USP34: variants seen among roughly 807,000 people sequenced by gnomAD.
The protein encoded by USP34 is ubiquitin specific peptidase 34.
USP34 carries 70 observed loss-of-function variants against 460.3 expected under a neutral mutation model. The ratio of observed to expected loss-of-function variants is 0.15; its 90% CI spans 0.13 to 0.19. USP34 has a LOEUF of 0.19. Among genes scored for constraint, USP34 ranks in the 10% least tolerant of loss-of-function variants. The probability of loss-of-function intolerance (pLI) is 1.00; values close to 1 mark genes in which losing one functional copy is unlikely to be tolerated. For missense variants in USP34, 3,985 were observed against 4,236.2 expected (o/e 0.94, Z 1.65); for synonymous variants, 1,647 against 1,405.3 (o/e 1.17, Z -3.85).
At chr2:61,419,291 G>T (rs1421388158) in intron 2 of USP34, among the ~76,000 whole-genome samples, 1 of 151,662 alleles carries the variant, frequency 6.6e-6, no homozygotes, top group Non-Finnish European at 1.5e-5. Flanking sequence ...AAAGTGAGAG[G>T]CATGAGCCAC....
Position 61,279,552 on chromosome 2 carries a change from C to T in USP34, c.5256+692G>A, listed in dbSNP as rs151281821. Among the ~76,000 whole-genome samples, 811 of 152,282 alleles carry T rather than the reference C, an allele frequency of 5.3e-3. 2 individuals are homozygous for T. Among genetic ancestry groups the T allele is most frequent in the Non-Finnish European group, 8.7e-3 (593 of 68,026 alleles). ...GATCTCAGCTCACTGACTGCAACCT[C>T]TGCCTCCCGGGTTCAAGCGATTCTG... On this transcript the variant is annotated intron_variant, in intron 39 of 79. Transcript: ENST00000398571.
chr2:61,309,225 T>C (rs1275578407), intron 27 of USP34, among the ~76,000 whole-genome samples: 3 of 152,122 alleles, frequency 2.0e-5, no homozygotes, highest in African/African-American at 4.8e-5. Flanking sequence ...AAACATGAGA[T>C]ACATGTTTAA....
intron 66 of USP34, 32 bp from the exon 67 acceptor site, chr2:61,220,489 G>A (rs759488513): frequency 5.1e-5 from 80 of 1,553,820 alleles, no homozygotes; most frequent in Non-Finnish European, 6.6e-5. Flanking sequence ...CAGAATATAA[G>A]GCCAACTGAA....
intron 10 of USP34, among the ~76,000 whole-genome samples, chr2:61,362,072 A>C (rs535577073): frequency 4.6e-5 from 7 of 152,180 alleles, no homozygotes; most frequent in Non-Finnish European, 1.0e-4. Context: ...AAAGCTGCTC[A>C]ATATCACTAA....
intron 19 of USP34, among the ~76,000 whole-genome samples, chr2:61,333,645 G>C (rs1245591422): frequency 6.6e-6 from 1 of 151,972 alleles, no homozygotes; most frequent in African/African-American, 2.4e-5. Flanking sequence ...TAAAATTAGA[G>C]TATTAATTGC....
Position 61,293,481 on chromosome 2 carries a change from G to C in USP34, c.4531C>G (p.Gln1511Glu). 1 of 1,612,572 alleles carries C rather than the reference G, an allele frequency of 6.2e-7. No individual in the cohort carries two copies. The highest frequency in any genetic ancestry group is 8.5e-7 in the Non-Finnish European group (1 of 1,179,118). ...GCACTTACCACAGTCCATGATTCCT[G>C]CTCTTTAGGCTCTAGAATTCCAGAA... ...FNSGILEPKE[Q>E]ESWTVWQLDC... The change falls in exon 33 of 80, where the codon CAG (glutamine) becomes GAG (glutamate). Residue 1511 changes from glutamine (Q) to glutamate (E), a missense_variant. Gln to Glu is a conservative substitution (Grantham distance 29, BLOSUM62 2). Around this residue, in one of 14 missense-constraint regions of USP34, gnomAD observed 1,114 missense variants for 1,122.5 expected, o/e 0.99. Coordinates refer to ENST00000398571, the MANE Select transcript of USP34 (RefSeq NM_014709.4).
chr2:61,429,888 C>T (rs972313730), intron 1 of USP34, among the ~76,000 whole-genome samples: 4 of 151,858 alleles, frequency 2.6e-5, no homozygotes, highest in Non-Finnish European at 5.9e-5. Flanking sequence ...ATGGTGACAC[C>T]CTGTCTCCAC....
At chr2:61,431,788 A>T (rs1445819545) in intron 1 of USP34, among the ~76,000 whole-genome samples, 1 of 152,140 alleles carries the variant, frequency 6.6e-6, no homozygotes, top group Non-Finnish European at 1.5e-5. Flanking sequence ...CGGGAGGCGG[A>T]GGTTGCAGTG....
At chr2:61,256,838 C>T (rs1688736046) in intron 47 of USP34, 35 bp downstream of exon 47, 2 of 1,497,056 alleles carry the variant, frequency 1.3e-6, no homozygotes, top group Non-Finnish European at 1.8e-6. Context: ...TAGGTAAAAG[C>T]ATAAAGTAAA....
intron 44 of USP34, among the ~76,000 whole-genome samples, chr2:61,257,961 T>A (rs1349949239): frequency 6.6e-6 from 1 of 152,200 alleles, no homozygotes; most frequent in Non-Finnish European, 1.5e-5. Flanking sequence ...CGAATAAACT[T>A]TCCCAGAGAT....
chr2:61,314,770 A>G, intron 24 of USP34, 26 bp from the exon 25 acceptor site: 3 of 1,578,316 alleles, frequency 1.9e-6, no homozygotes, highest in East Asian at 2.2e-5. Flanking sequence ...TTAGACACAT[A>G]TATTAGCCTT....
At chr2:61,460,276 C>G (rs1355211102) in intron 1 of USP34, among the ~76,000 whole-genome samples, 1 of 152,144 alleles carries the variant, frequency 6.6e-6, no homozygotes, top group Admixed American at 6.6e-5. Flanking sequence ...TTCCGAGTGG[C>G]ATGATGAAAT....
chr2:61,325,735 G>C (rs567370506), intron 20 of USP34, among the ~76,000 whole-genome samples: 1 of 152,230 alleles, frequency 6.6e-6, no homozygotes, highest in Admixed American at 6.5e-5. Flanking sequence ...GAGGAAGTAT[G>C]TCATTTTAAA....
At chr2:61,317,473 G>A (rs1460386816) in intron 23 of USP34, among the ~76,000 whole-genome samples, 181 bp downstream of exon 23, 1 of 152,198 alleles carries the variant, frequency 6.6e-6, no homozygotes, top group Non-Finnish European at 1.5e-5. Flanking sequence ...GTTGCAGTGA[G>A]CTGAGATCAC....
chr2:61,390,423 T>A (rs1205954133), intron 5 of USP34, among the ~76,000 whole-genome samples: 1 of 152,230 alleles, frequency 6.6e-6, no homozygotes, highest in Non-Finnish European at 1.5e-5. Flanking sequence ...TGTTAAATGT[T>A]AGTAAGCTGC....
At chr2:61,312,010 G>T in intron 25 of USP34, 100 bp from the exon 26 acceptor site, 1 of 1,415,154 alleles carries the variant, frequency 7.1e-7, no homozygotes, top group East Asian at 2.4e-5. Context: ...AAGTCCAAAA[G>T]AAGTTCTAAG....
chr2:61,442,017 A>C (rs1426293762), intron 1 of USP34, among the ~76,000 whole-genome samples: 1 of 152,132 alleles, frequency 6.6e-6, no homozygotes, highest in Non-Finnish European at 1.5e-5. Flanking sequence ...AAGAATGTTC[A>C]CTGGGGAAAG....
At chr2:61,241,520 C>G in intron 53 of USP34, 40 bp downstream of exon 53, 4 of 1,471,884 alleles carry the variant, frequency 2.7e-6, no homozygotes, top group Non-Finnish European at 3.7e-6. Flanking sequence ...AAACACTTAA[C>G]ATATTTTTAA....
chr2:61,299,822 T>C (rs545775445), intron 29 of USP34, among the ~76,000 whole-genome samples: 1 of 152,320 alleles, frequency 6.6e-6, no homozygotes, highest in East Asian at 1.9e-4. Flanking sequence ...TTTTCTAGAC[T>C]ATACCTTTTC....
Sources: allele counts gnomAD v4.1 joint callset (sites outside exome capture counted in the v4.1 genomes callset), GRCh38; gene constraint gnomAD v4.1.1; regional missense constraint gnomAD v4.1.1; transcripts MANE v1.5; gene names NCBI Gene and HGNC (gene_info 2026-07-23, HGNC 2026-07-21).